Variants in DHX30 observed in about 807,000 individuals in gnomAD.
DHX30 encodes the protein ATP-dependent RNA helicase DHX30.
Under a neutral mutation model 116.9 loss-of-function variants are expected in DHX30, and 4 were observed. The observed-to-expected ratio is 0.03, with a 90% CI of 0.02 to 0.08. The LOEUF (loss-of-function observed/expected upper bound fraction) is 0.08. DHX30 is among the 10% of genes least tolerant of loss of function. The pLI is 1.00. For missense variants in DHX30, 871 were observed against 1,595.1 expected (o/e 0.55, Z 7.73); for synonymous variants, 697 against 651.7 (o/e 1.07, Z -1.06).
At chr3:47,825,574 C>G (rs532732008) in intron 4 of DHX30, among the ~76,000 whole-genome samples, 1 of 152,332 alleles carries the variant, frequency 6.6e-6, no homozygotes, top group South Asian at 2.1e-4. Context: ...CATGCCCTCA[C>G]CAGTGTGAGA....
chr3:47,840,739 G>T, intron 6 of DHX30, 138 bp from the exon 7 acceptor site: 1 of 1,015,044 alleles, frequency 9.9e-7, no homozygotes, highest in Non-Finnish European at 1.4e-6. Flanking sequence ...GCCCAGTTCT[G>T]GACTAGGGGC....
rs919630248 is a variant in DHX30, at chr3:47,807,850, G to A, written c.-28+2430G>A. 5.3e-5 allele frequency among the ~76,000 whole-genome samples: 8 copies of A among 151,322 alleles called. No individual in the cohort carries two copies. In the South Asian group the frequency reaches 6.3e-4, roughly 12 times the overall value. ...GCCTCAAGCGATCCTTCACCTGGGC[G>A]TCCCAAAGTGCTGGGACTACAGGCA... On this transcript the variant is annotated intron_variant, in intron 2 of 21. Transcript: ENST00000445061.
In DHX30 at chr3:47,849,941, C is replaced by G; in HGVS notation, c.3406C>G (p.Arg1136Gly). 6.2e-7 allele frequency: 1 copy of G among 1,613,212 alleles called. No homozygotes were observed. Among genetic ancestry groups the G allele is most frequent in the Non-Finnish European group, 8.5e-7 (1 of 1,179,818 alleles). ...LRLEGDSRTVRLLKELRRALG... is the reference protein window; with the variant it reads ...LRLEGDSRTVGLLKELRRALG... ...GCTGGAGGGTGACTCGCGTACCGTG[C>G]GGCTGCTGAAGGAGCTGCGGCGGGC... The change falls in exon 22 of 22, where the codon CGG (arginine) becomes GGG (glycine). Residue 1136 changes from arginine to glycine, a missense_variant. Around this residue, in one of 13 missense-constraint regions of DHX30, gnomAD observed 238 missense variants for 481.0 expected, o/e 0.49. Coordinates refer to ENST00000445061, the MANE Select transcript of DHX30 (RefSeq NM_138615.3).
chr3:47,809,847 G>A (rs1416748192), intron 2 of DHX30, among the ~76,000 whole-genome samples: 1 of 152,102 alleles, frequency 6.6e-6, no homozygotes, highest in Non-Finnish European at 1.5e-5. Context: ...TTTAAACAAA[G>A]TCCATTTAAG....
At chr3:47,804,309 C>A (rs926549056) in intron 1 of DHX30, among the ~76,000 whole-genome samples, 2 of 152,182 alleles carry the variant, frequency 1.3e-5, no homozygotes, top group African/African-American at 2.4e-5. Context: ...AATCCCAGCA[C>A]TTTGGGAGGC....
At chr3:47,805,111 C>T (rs1421661100) in intron 1 of DHX30, among the ~76,000 whole-genome samples, 1 of 152,178 alleles carries the variant, frequency 6.6e-6, no homozygotes, top group Non-Finnish European at 1.5e-5. Flanking sequence ...CAGAAGACTT[C>T]AGCACTTCTA....
At chr3:47,811,481 G>C (rs1309387585) in intron 3 of DHX30, among the ~76,000 whole-genome samples, 2 of 152,060 alleles carry the variant, frequency 1.3e-5, no homozygotes, top group African/African-American at 4.8e-5. Flanking sequence ...CCAGCATTTC[G>C]CACATAGTAG....
Position 47,846,202 on chromosome 3 carries a change from G to A in DHX30, c.1130G>A (p.Arg377Gln). 4 of 1,613,960 alleles carry A rather than the reference G, an allele frequency of 2.5e-6. No individual in the cohort carries two copies. The highest frequency in any genetic ancestry group is 2.2e-5 in the East Asian group (1 of 44,884). Residue 377 changes from arginine (R) to glutamine (Q), a missense_variant, in exon 11 of 22, where the codon CGG becomes CAG. Around this residue, in one of 13 missense-constraint regions of DHX30, gnomAD observed 175 missense variants for 292.9 expected, o/e 0.60. Transcript: ENST00000445061. ...VESSWIAPEL[R>Q]LQSDDILPLG... Reference sequence around the variant, plus strand: ...AGTTCATGGATCGCCCCAGAACTCCGGCTGCAGAGTGATGACATCTTGCCC... The same window carrying A: ...AGTTCATGGATCGCCCCAGAACTCCAGCTGCAGAGTGATGACATCTTGCCC...
chr3:47,821,522 G>C (rs2036299207), intron 4 of DHX30, among the ~76,000 whole-genome samples: 1 of 152,078 alleles, frequency 6.6e-6, no homozygotes, highest in African/African-American at 2.4e-5. Flanking sequence ...GCCCGCTTCG[G>C]CCTCCCAAAG....
At chr3:47,824,941 C>T (rs2036476025) in intron 4 of DHX30, 1 of 491,310 alleles carries the variant, frequency 2.0e-6, no homozygotes, top group Non-Finnish European at 3.6e-6. Flanking sequence ...GCTTCGGGTC[C>T]GCCCGGCCCG....
intron 3 of DHX30, among the ~76,000 whole-genome samples, chr3:47,813,832 C>T (rs964830394): frequency 1.3e-5 from 2 of 150,564 alleles, no homozygotes; most frequent in Non-Finnish European, 2.9e-5. Context: ...CCTTGTGTAT[C>T]TCCAGCCACT....
At chr3:47,818,917 G>C (rs73085191) in intron 4 of DHX30, among the ~76,000 whole-genome samples, 5,121 of 152,216 alleles carry the variant, frequency 0.034, 136 homozygotes, top group Non-Finnish European at 0.047. Flanking sequence ...TAGGTCATAG[G>C]GTCATTGTCT....
chr3:47,849,492 C>A lies in DHX30; in HGVS notation c.3129C>A (p.Pro1043=). The A allele has an allele frequency of 6.3e-7, 1 of 1,587,722 alleles. No homozygotes were observed. The highest frequency in any genetic ancestry group is 8.6e-7 in the Non-Finnish European group (1 of 1,162,638). ...GKVTRQGKFK[P]NSVTYRTKSG... is the part of the protein sequence containing the mutation. Reference sequence around the variant, plus strand: ...TCACCCGGCAGGGGAAGTTCAAGCCCAACAGCGTCACATATAGGACCAAAT... The same window carrying A: ...TCACCCGGCAGGGGAAGTTCAAGCCAAACAGCGTCACATATAGGACCAAAT... The change falls in exon 20 of 22, where the codon CCC becomes CCA. Residue 1043 remains proline, a synonymous_variant. Transcript: ENST00000445061.
In DHX30 at chr3:47,846,733, G is replaced by C. The variant is rs2037623489; in HGVS notation, c.1661G>C (p.Ser554Thr). 1 of 1,613,912 alleles carries C rather than the reference G, an allele frequency of 6.2e-7. No individual in the cohort carries two copies. The change falls in exon 11 of 22, where the codon AGC (serine) becomes ACC (threonine). Residue 554 changes from serine to threonine, a missense_variant. Physicochemically the swap from Ser to Thr is moderately conservative, Grantham distance 58. Around this residue, in one of 13 missense-constraint regions of DHX30, gnomAD observed 63 missense variants for 180.6 expected, o/e 0.35. Coordinates refer to ENST00000445061, the MANE Select transcript of DHX30 (RefSeq NM_138615.3). Reference sequence around the variant, plus strand: ...AGCAACCCCAGCCTGGAGGGCGTGAGCCACGTCATCGTGGATGAGGTGCAT... The same window carrying C: ...AGCAACCCCAGCCTGGAGGGCGTGACCCACGTCATCGTGGATGAGGTGCAT... ...LQSNPSLEGV[S>T]HVIVDEVHER...
At position 47,849,558 on chromosome 3, in the gene DHX30, AG is replaced by A; in HGVS notation, c.3191+7del. The A allele has an allele frequency of 6.2e-7, 1 of 1,612,578 alleles. No individual in the cohort carries two copies. The highest frequency in any genetic ancestry group is 8.5e-7 in the Non-Finnish European group (1 of 1,178,720). ...TGCACAAGTCGACCATTAACAGGTG[AG>A]GGCATGCAGGCCTGGATGGGGCAGC... On this transcript the variant is annotated splice_donor_5th_base_variant and intron_variant, in intron 20 of 21. Transcript: ENST00000445061.
intron 4 of DHX30, chr3:47,824,706 A>C: frequency 8.3e-5 from 19 of 229,190 alleles, no homozygotes; most frequent in South Asian, 1.7e-4. Flanking sequence ...CCTAGAGGGA[A>C]CTAACTTCGC....
At chr3:47,831,807 A>G (rs981549960) in intron 6 of DHX30, among the ~76,000 whole-genome samples, 33 of 150,468 alleles carry the variant, frequency 2.2e-4, no homozygotes, top group Admixed American at 2.1e-3. Context: ...CACTGCACCC[A>G]GCCTATGTGT....
chr3:47,824,351 T>C (rs1230600157), intron 4 of DHX30, among the ~76,000 whole-genome samples: 1 of 152,104 alleles, frequency 6.6e-6, no homozygotes, highest in Non-Finnish European at 1.5e-5. Flanking sequence ...AGCTCAATTC[T>C]TGGCAGTTTC....
At chr3:47,825,379 G>C (rs1442470544) in intron 4 of DHX30, 3 of 523,602 alleles carry the variant, frequency 5.7e-6, no homozygotes, top group Non-Finnish European at 1.0e-5. Context: ...TTCGCCATCC[G>C]TCGGCGGGCA....
Sources: allele counts gnomAD v4.1 joint callset (sites outside exome capture counted in the v4.1 genomes callset), GRCh38; gene constraint gnomAD v4.1.1; regional missense constraint gnomAD v4.1.1; transcripts MANE v1.5; gene names NCBI Gene and HGNC (gene_info 2026-07-23, HGNC 2026-07-21).